Variants in ABLIM1 observed in about 807,000 individuals in gnomAD.
ABLIM1 encodes actin binding LIM protein 1.
ABLIM1 carries 40 observed loss-of-function variants against 107.0 expected under a neutral mutation model. The ratio of observed to expected loss-of-function variants is 0.37; its 90% CI spans 0.29 to 0.49. The LOEUF (loss-of-function observed/expected upper bound fraction) is 0.49, where lower values mean the gene tolerates loss of function less well. Ranked by LOEUF, ABLIM1 falls within the 20% of genes least tolerant of loss-of-function variation. The pLI, the probability that ABLIM1 is intolerant of heterozygous loss-of-function variation, is 0.97. For synonymous variants in ABLIM1, 357 were observed against 357.3 expected (o/e 1.00, Z 0.01); for missense variants, 857 against 1,008.5 (o/e 0.85, Z 2.04).
At chr10:114,578,214 T>A (rs2497749) in intron 2 of ABLIM1, among the ~76,000 whole-genome samples, 40,120 of 152,086 alleles carry the variant, frequency 0.26, 6,375 homozygotes, top group African/African-American at 0.43. Context: ...AGACCCTGAT[T>A]TGTAGCTGTG....
At chr10:114,671,899 G>A (rs977471595) in intron 1 of ABLIM1, among the ~76,000 whole-genome samples, 2 of 152,016 alleles carry the variant, frequency 1.3e-5, no homozygotes, top group Non-Finnish European at 2.9e-5. Flanking sequence ...TTCTCTCTCT[G>A]CCACTCAGGC....
intron 10 of ABLIM1, among the ~76,000 whole-genome samples, chr10:114,469,947 C>G (rs2066130368): frequency 6.6e-6 from 1 of 152,114 alleles, no homozygotes; most frequent in South Asian, 2.1e-4. Context: ...TGTCTGTATT[C>G]TAAGCCTTCA....
At chr10:114,559,453 A>G (rs1243053966) in intron 4 of ABLIM1, among the ~76,000 whole-genome samples, 26 of 143,126 alleles carry the variant, frequency 1.8e-4, no homozygotes, top group African/African-American at 3.3e-4. Context: ...AAAAAAAAAA[A>G]AAAAAAAAAG....
At chr10:114,448,489 G>C (rs1195069363) in intron 14 of ABLIM1, among the ~76,000 whole-genome samples, 1 of 152,146 alleles carries the variant, frequency 6.6e-6, no homozygotes, top group Non-Finnish European at 1.5e-5. Flanking sequence ...TAAAATTAAA[G>C]AGCTAAGTTG....
At position 114,436,044 on chromosome 10, in the gene ABLIM1, C is replaced by T. The variant is rs1220020493; in HGVS notation, c.*216G>A. 1.4e-5 allele frequency: 8 copies of T among 552,172 alleles called. No homozygotes were observed. Among genetic ancestry groups the T allele is most frequent in the South Asian group, 9.4e-5 (4 of 42,676 alleles). 34.2% of individuals were successfully genotyped at this position (552,172 alleles called of 1,614,324 possible). A position where few individuals can be genotyped will look rare whatever the true frequency, so the allele number is the denominator to read the frequency against. On this transcript the variant is annotated 3_prime_UTR_variant, in exon 23 of 23. Coordinates refer to ENST00000533213, the MANE Select transcript of ABLIM1 (RefSeq NM_002313.7). ...CACATGTGGACACTACTCTGTGTTT[C>T]GGAACATAGAAATTTCTACGCCATG...
chr10:114,704,890 G>A (rs577655804), intron 1 of ABLIM1, among the ~76,000 whole-genome samples: 6 of 152,182 alleles, frequency 3.9e-5, no homozygotes, highest in Non-Finnish European at 8.8e-5. Context: ...TAGTTCATCA[G>A]CTTAAGGAGA....
chr10:114,603,223 C>T (rs1480943644), intron 1 of ABLIM1, among the ~76,000 whole-genome samples: 2 of 152,178 alleles, frequency 1.3e-5, no homozygotes, highest in Non-Finnish European at 2.9e-5. Context: ...CAACAAGGAG[C>T]TCGCTGTATA....
rs111922820 is a variant in ABLIM1, at chr10:114,468,420, G to GT, written c.1276-205_1276-204insA. Among the ~76,000 whole-genome samples, 31 of 151,988 alleles carry GT rather than the reference G, an allele frequency of 2.0e-4. No individual in the cohort carries two copies. In the East Asian group the frequency reaches 2.5e-3, roughly 12 times the overall value. On this transcript the variant is annotated intron_variant, in intron 10 of 22. Transcript: ENST00000533213. ...CTCCCAAGTAGCTGGGACTACAGGC[G>GT]CCGCCACCACCCCCAGCTACTTTTT...
chr10:114,456,933 T>TAA (rs1565333561), intron 12 of ABLIM1, among the ~76,000 whole-genome samples: 4 of 118,774 alleles, frequency 3.4e-5, no homozygotes, highest in African/African-American at 1.5e-4. Context: ...TGTTTTTTTT[T>TAA]TAAAAAAAAA....
intron 1 of ABLIM1, among the ~76,000 whole-genome samples, chr10:114,616,491 G>A (rs2077139680): frequency 6.6e-6 from 1 of 152,234 alleles, no homozygotes; most frequent in Non-Finnish European, 1.5e-5. Flanking sequence ...AACAGGTCCA[G>A]TTCCTTGGTG....
intron 15 of ABLIM1, among the ~76,000 whole-genome samples, 173 bp downstream of exon 15, chr10:114,447,707 C>T (rs543488987): frequency 5.3e-5 from 8 of 152,282 alleles, no homozygotes; most frequent in East Asian, 3.9e-4. Context: ...AACTTTTAAG[C>T]GTTTTGTACA....
At chr10:114,602,257 T>C (rs2076071790) in intron 1 of ABLIM1, among the ~76,000 whole-genome samples, 1 of 152,182 alleles carries the variant, frequency 6.6e-6, no homozygotes, top group Non-Finnish European at 1.5e-5. Context: ...TACACAATCT[T>C]GCTTAGTTCA....
intron 8 of ABLIM1, among the ~76,000 whole-genome samples, chr10:114,480,880 A>T (rs900208693): frequency 1.3e-5 from 2 of 152,246 alleles, no homozygotes; most frequent in African/African-American, 4.8e-5. Context: ...GAGATGCCTC[A>T]TTAGAAGACT....
intron 1 of ABLIM1, among the ~76,000 whole-genome samples, chr10:114,721,002 G>A (rs2081832207): frequency 6.6e-6 from 1 of 152,212 alleles, no homozygotes; most frequent in Admixed American, 6.5e-5. Flanking sequence ...TCCTAAGCCA[G>A]GGTCAGCACA....
chr10:114,465,940 T>A (rs968825065), intron 11 of ABLIM1, 113 bp from the exon 12 acceptor site: 1 of 1,206,144 alleles, frequency 8.3e-7, no homozygotes, highest in African/African-American at 1.6e-5. Context: ...ATTTGATTAA[T>A]ATATGCACTT....
chr10:114,564,591 TC>T, intron 4 of ABLIM1, among the ~76,000 whole-genome samples: 1 of 152,174 alleles, frequency 6.6e-6, no homozygotes, highest in South Asian at 2.1e-4. Context: ...GTTTTACAGG[TC>T]CCCTCTCCCC....
chr10:114,437,734 T>G, intron 22 of ABLIM1, 110 bp downstream of exon 22: 1 of 916,264 alleles, frequency 1.1e-6, no homozygotes, highest in African/African-American at 1.7e-5. Context: ...GAGGGTGATC[T>G]TTATAATTTT....
At chr10:114,632,418 C>T (rs2078249949) in intron 1 of ABLIM1, 5 of 985,408 alleles carry the variant, frequency 5.1e-6, no homozygotes, top group South Asian at 9.4e-5. Context: ...TTATTGGCTC[C>T]CTGTTACAGT....
intron 5 of ABLIM1, among the ~76,000 whole-genome samples, chr10:114,545,764 T>C (rs535901002): frequency 4.0e-5 from 6 of 150,814 alleles, no homozygotes; most frequent in Admixed American, 6.6e-5. Flanking sequence ...GTTTCTACTT[T>C]AAAAAAAATA....
Sources: gnomAD v4.1 joint callset for allele counts (sites outside exome capture counted in the v4.1 genomes callset) on GRCh38, gnomAD v4.1.1 for gene constraint, MANE v1.5 for transcripts, NCBI Gene and HGNC (gene_info 2026-07-23, HGNC 2026-07-21) for gene names.